ADAMTS14: variants seen among roughly 807,000 people sequenced by gnomAD.
ADAMTS14 encodes the protein A disintegrin and metalloproteinase with thrombospondin motifs 14.
Under a neutral mutation model 128.6 loss-of-function variants are expected in ADAMTS14, and 100 were observed. The ratio of observed to expected loss-of-function variants is 0.78; its 90% CI spans 0.66 to 0.92. The LOEUF is 0.92. ADAMTS14 is among the 40% of genes least tolerant of loss of function. The pLI is 0.00. For missense variants in ADAMTS14, 1,562 were observed against 1,658.6 expected (o/e 0.94, Z 1.01); for synonymous variants, 665 against 653.8 (o/e 1.02, Z -0.26).
At position 70,760,525 on chromosome 10, in the gene ADAMTS14, C is replaced by T. The variant is rs750926289; in HGVS notation, c.3344C>T (p.Ser1115Phe). The T allele has an allele frequency of 5.0e-6, 8 of 1,613,682 alleles. No homozygotes were observed. In the Admixed American group the frequency reaches 1.3e-4, roughly 27 times the overall value. Residue 1115 changes from serine (S) to phenylalanine (F), a missense_variant, in exon 22 of 22, where the codon TCC (serine) becomes TTC (phenylalanine). Ser to Phe is a radical substitution (Grantham distance 155, BLOSUM62 -2). Transcript: ENST00000373207. ...DPGPTSLPPF[S>F]TPGSPLPGPQ... ...GGCCCAACCTCACTGCCCCCCTTCT[C>T]CACTCCTGGAAGCCCCTTACCAGGA...
intron 19 of ADAMTS14, among the ~76,000 whole-genome samples, chr10:70,757,188 C>T (rs1564562636): frequency 6.6e-6 from 1 of 152,088 alleles, no homozygotes; most frequent in Non-Finnish European, 1.5e-5. Context: ...CTCCACATTC[C>T]CTGTTTGTCA....
At chr10:70,721,374 CT>C (rs937750581) in intron 4 of ADAMTS14, among the ~76,000 whole-genome samples, 34 of 146,170 alleles carry the variant, frequency 2.3e-4, no homozygotes, top group Middle Eastern at 3.7e-3. Flanking sequence ...ATATGTTACT[CT>C]TTTTTTTTTT....
chr10:70,709,591 C>T (rs1840778626), intron 4 of ADAMTS14, among the ~76,000 whole-genome samples: 1 of 140,898 alleles, frequency 7.1e-6, no homozygotes, highest in Non-Finnish European at 1.5e-5. Context: ...AGCTCCATCT[C>T]CCGGGTTCAC....
chr10:70,677,769 A>T (rs1401475832), intron 2 of ADAMTS14, among the ~76,000 whole-genome samples: 2 of 152,080 alleles, frequency 1.3e-5, no homozygotes, highest in Non-Finnish European at 1.5e-5. Context: ...CCAGGCTGGG[A>T]TTCCTTGACT....
Position 70,741,093 on chromosome 10 carries a change from G to A in ADAMTS14, c.1855G>A (p.Ala619Thr). The A allele has an allele frequency of 6.2e-7, 1 of 1,614,000 alleles. No individual in the cohort carries two copies. The highest frequency in any genetic ancestry group is 8.5e-7 in the Non-Finnish European group (1 of 1,179,994). ...TYEDFRAQQC[A>T]KRNSYYVHQN... ...CGAGGACTTCCGGGCCCAGCAGTGTGCCAAGCGCAACTCCTACTATGTGCA... is the reference window on the plus strand; with the variant it reads ...CGAGGACTTCCGGGCCCAGCAGTGTACCAAGCGCAACTCCTACTATGTGCA... Residue 619 changes from alanine to threonine, a missense_variant, in exon 12 of 22, where the codon GCC becomes ACC. Physicochemically the swap from Ala to Thr is moderately conservative, Grantham distance 58. Transcript: ENST00000373207.
At chr10:70,713,177 T>C (rs1840914217) in intron 4 of ADAMTS14, among the ~76,000 whole-genome samples, 1 of 152,222 alleles carries the variant, frequency 6.6e-6, no homozygotes. Context: ...TAACTCTTGG[T>C]TGGACTGAGG....
chr10:70,692,089 A>T (rs1840208448), intron 2 of ADAMTS14, among the ~76,000 whole-genome samples: 1 of 150,726 alleles, frequency 6.6e-6, no homozygotes, highest in South Asian at 2.1e-4. Flanking sequence ...CTGACTCCTG[A>T]GCCCCACCCA....
chr10:70,751,097 T>A (rs1842334961), intron 16 of ADAMTS14, among the ~76,000 whole-genome samples: 2 of 152,216 alleles, frequency 1.3e-5, no homozygotes, highest in Non-Finnish European at 2.9e-5. Flanking sequence ...ATATATTTGA[T>A]GAGGGTCAGT....
chr10:70,738,117 G>A (rs4237329), intron 10 of ADAMTS14, among the ~76,000 whole-genome samples: 145,940 of 152,186 alleles, frequency 0.96, 70,222 homozygotes, highest in East Asian at 1. Context: ...AAGGTTGAGA[G>A]CCACTGAGTT....
chr10:70,714,660 G>A (rs890728845), intron 4 of ADAMTS14, among the ~76,000 whole-genome samples: 2 of 152,054 alleles, frequency 1.3e-5, no homozygotes, highest in Non-Finnish European at 2.9e-5. Flanking sequence ...GTGAAAACTG[G>A]GGGTTTGGCC....
chr10:70,687,067 C>G (rs1158617795), intron 2 of ADAMTS14, among the ~76,000 whole-genome samples: 50 of 135,214 alleles, frequency 3.7e-4, no homozygotes, highest in African/African-American at 1.2e-3. Context: ...GCTGACCCCC[C>G]CCACCTCCCT....
chr10:70,734,171 G>A, intron 8 of ADAMTS14, 143 bp downstream of exon 8: 1 of 1,102,040 alleles, frequency 9.1e-7, no homozygotes, highest in Non-Finnish European at 1.3e-6. Context: ...GCCAAACCTG[G>A]CCTAAAACAT....
intron 5 of ADAMTS14, among the ~76,000 whole-genome samples, 191 bp from the exon 6 acceptor site, chr10:70,729,911 C>T (rs544132869): frequency 1.3e-5 from 2 of 152,280 alleles, no homozygotes; most frequent in Admixed American, 6.5e-5. Flanking sequence ...GTGCTTGGCA[C>T]GTGATCATCC....
Position 70,729,393 on chromosome 10 carries a change from A to C in ADAMTS14, c.954+16A>C. 8 of 1,609,054 alleles carry C rather than the reference A, an allele frequency of 5.0e-6. No individual in the cohort carries two copies. Among genetic ancestry groups the C allele is most frequent in the Non-Finnish European group, 6.8e-6 (8 of 1,175,738 alleles). On this transcript the variant is annotated intron_variant, in intron 5 of 21. Coordinates refer to ENST00000373207, the MANE Select transcript of ADAMTS14 (RefSeq NM_080722.4). The stretch of plus-strand genomic sequence containing the variant: ...CTACCGACAGGTAAACCACCTTGTC[A>C]GCAGGCAGGGTTTGCGGGGAGAAGG...
At position 70,674,519 on chromosome 10, in the gene ADAMTS14, G is replaced by A. The variant is rs755370176; in HGVS notation, c.83-37G>A. On this transcript the variant is annotated intron_variant, in intron 1 of 21. Coordinates refer to ENST00000373207, the MANE Select transcript of ADAMTS14 (RefSeq NM_080722.4). ...TCTGACTTCCCCTTACCTCTGAACC[G>A]ACTGCATTGAAGTGACTCTTTGTTT... The A allele has an allele frequency of 2.0e-5, 31 of 1,582,506 alleles. No individual in the cohort carries two copies. In the South Asian group the frequency reaches 2.2e-4, roughly 11 times the overall value.
In ADAMTS14 at chr10:70,736,677, C is replaced by A; in HGVS notation, c.1486-3C>A. ...CTGGTGACCCCATTCCCTTGCCATG[C>A]AGTTCAGGACCTTTGAGCCCTGCAA... On this transcript the variant is annotated splice_polypyrimidine_tract_variant and splice_region_variant and intron_variant, in intron 9 of 21. Transcript: ENST00000373207. 6.2e-7 allele frequency: 1 copy of A among 1,612,422 alleles called. No individual in the cohort carries two copies. The highest frequency in any genetic ancestry group is 8.5e-7 in the Non-Finnish European group (1 of 1,179,032).
Position 70,761,036 on chromosome 10 carries a change from A to G in ADAMTS14, c.*183A>G. 1.1e-6 allele frequency: 1 copy of G among 951,616 alleles called. No individual in the cohort carries two copies. Among genetic ancestry groups the G allele is most frequent in the Admixed American group, 3.2e-5 (1 of 31,570 alleles). The allele number at this position is 951,616 out of a possible 1,614,324, so 58.9% of individuals were successfully genotyped here. A position where few individuals can be genotyped will look rare whatever the true frequency, so the allele number is the denominator to read the frequency against. On this transcript the variant is annotated 3_prime_UTR_variant, in exon 22 of 22. Coordinates refer to ENST00000373207, the MANE Select transcript of ADAMTS14 (RefSeq NM_080722.4). ...AAAGCGGGGTGGGAGGAAGACAAAG[A>G]TCAGGGAAAGCCCTAATCGGAGATA...
At chr10:70,720,357 C>G (rs1178588765) in intron 4 of ADAMTS14, among the ~76,000 whole-genome samples, 1 of 152,222 alleles carries the variant, frequency 6.6e-6, no homozygotes, top group Non-Finnish European at 1.5e-5. Context: ...TGAGAGCAGC[C>G]TCATCCTCCA....
chr10:70,750,789 T>G (rs2132738425), intron 16 of ADAMTS14, among the ~76,000 whole-genome samples: 1 of 152,314 alleles, frequency 6.6e-6, no homozygotes, highest in Middle Eastern at 3.4e-3. Context: ...GACACCTGGA[T>G]GTCTACATGC....
Sources: allele counts gnomAD v4.1 joint callset (sites outside exome capture counted in the v4.1 genomes callset), GRCh38; gene constraint gnomAD v4.1.1; transcripts MANE v1.5; gene names NCBI Gene and HGNC (gene_info 2026-07-23, HGNC 2026-07-21).